TENM1: variants seen among roughly 807,000 people sequenced by gnomAD.
The protein encoded by TENM1 is teneurin transmembrane protein 1.
In TENM1, 35 loss-of-function variants were observed where a neutral mutation model predicts 174.8. The observed-to-expected ratio is 0.20, with a 90% CI of 0.15 to 0.27. The LOEUF (loss-of-function observed/expected upper bound fraction) is 0.27. TENM1 is among the 10% of genes least tolerant of loss of function. The probability of loss-of-function intolerance (pLI) is 1.00; values close to 1 mark genes in which losing one functional copy is unlikely to be tolerated. For missense variants in TENM1, 1,633 were observed against 2,130.1 expected (o/e 0.77, Z 4.59); for synonymous variants, 781 against 798.7 (o/e 0.98, Z 0.37).
chrX:125,123,771 A>T, the TENM1 span, among the ~76,000 whole-genome samples: 1 of 112,488 alleles, frequency 8.9e-6, no homozygotes, highest in Admixed American at 9.4e-5. Context: ...TCATGCATTT[A>T]ATTTATTCCA....
intron 18 of TENM1, among the ~76,000 whole-genome samples, chrX:124,515,717 A>G (rs944673425): frequency 1.8e-5 from 2 of 110,880 alleles, no homozygotes; most frequent in Non-Finnish European, 3.8e-5. Context: ...ACAGAAAAGC[A>G]TTCCATGCTC....
At chrX:124,783,812 T>TA (rs1195533059) in intron 3 of TENM1, among the ~76,000 whole-genome samples, 1 of 111,638 alleles carries the variant, frequency 9.0e-6, no homozygotes, top group African/African-American at 3.3e-5. Flanking sequence ...ATCTCTCACA[T>TA]AAAAAAATAG....
the TENM1 span, among the ~76,000 whole-genome samples, chrX:125,083,841 C>T: frequency 6.3e-5 from 7 of 110,650 alleles, no homozygotes; most frequent in South Asian, 2.7e-3. Context: ...GCCCTGTTAG[C>T]CTAGATTCTG....
At chrX:125,115,495 G>A in the TENM1 span, among the ~76,000 whole-genome samples, 249 of 111,354 alleles carry the variant, frequency 2.2e-3, no homozygotes, top group African/African-American at 7.8e-3. Flanking sequence ...AAACTCCATC[G>A]TCACAGCCCA....
chrX:125,117,130 T>C, the TENM1 span, among the ~76,000 whole-genome samples: 1 of 111,190 alleles, frequency 9.0e-6, no homozygotes, highest in Non-Finnish European at 1.9e-5. Flanking sequence ...TGGAAGACAG[T>C]GTGGCAATTC....
intron 25 of TENM1, among the ~76,000 whole-genome samples, chrX:124,419,344 C>T (rs1434878890): frequency 8.9e-6 from 1 of 111,897 alleles, no homozygotes; most frequent in African/African-American, 3.3e-5. Context: ...ACCCCTTATA[C>T]TTTAACATCT....
intron 22 of TENM1, among the ~76,000 whole-genome samples, chrX:124,463,215 C>G (rs2061198888): frequency 9.0e-6 from 1 of 111,664 alleles, no homozygotes; most frequent in Non-Finnish European, 1.9e-5. Context: ...GCTGATTTTT[C>G]TTACAGAATA....
At chrX:124,808,867 A>G (rs1320513413) in intron 3 of TENM1, among the ~76,000 whole-genome samples, 3 of 111,894 alleles carry the variant, frequency 2.7e-5, no homozygotes, top group African/African-American at 9.7e-5. Context: ...GCAATTGATA[A>G]CTACATCAAA....
chrX:124,798,444 A>T (rs1403280624), intron 3 of TENM1, among the ~76,000 whole-genome samples: 1 of 112,060 alleles, frequency 8.9e-6, no homozygotes, highest in Non-Finnish European at 1.9e-5. Context: ...ATGACCAGTG[A>T]TGATGAGCTT....
At chrX:124,956,221 T>C (rs2058572345) in intron 1 of TENM1, among the ~76,000 whole-genome samples, 1 of 112,080 alleles carries the variant, frequency 8.9e-6, no homozygotes, top group South Asian at 3.7e-4. Context: ...TCAATCATAT[T>C]GCATCACTAT....
At chrX:125,178,888 C>T in the TENM1 span, among the ~76,000 whole-genome samples, 1 of 110,042 alleles carries the variant, frequency 9.1e-6, no homozygotes, top group African/African-American at 3.3e-5. Flanking sequence ...AGGAGAATTG[C>T]TCGAACCCAG....
At chrX:124,922,936 T>C (rs181354575) in intron 1 of TENM1, among the ~76,000 whole-genome samples, 1 of 111,782 alleles carries the variant, frequency 8.9e-6, no homozygotes, top group East Asian at 2.8e-4. Context: ...GAGAATTTAT[T>C]AAGGTTTTCC....
chrX:124,518,056 C>A (rs895331293), intron 18 of TENM1, among the ~76,000 whole-genome samples: 1 of 110,451 alleles, frequency 9.1e-6, no homozygotes, highest in Non-Finnish European at 1.9e-5. Context: ...AGAGAATTAT[C>A]AAGGAAGGGA....
At chrX:125,193,691 C>G in the TENM1 span, among the ~76,000 whole-genome samples, 201 of 111,554 alleles carry the variant, frequency 1.8e-3, 1 homozygote, top group African/African-American at 6.4e-3. Context: ...ACTGTATATA[C>G]TCTCTAGCTA....
chrX:124,513,232 G>C (rs181600443), intron 18 of TENM1, among the ~76,000 whole-genome samples: 97 of 111,414 alleles, frequency 8.7e-4, no homozygotes, highest in African/African-American at 3.1e-3. Flanking sequence ...GCTTCTAGTA[G>C]GTGCTTGCAC....
intron 11 of TENM1, among the ~76,000 whole-genome samples, chrX:124,598,893 G>A (rs2858401): frequency 0.21 from 23,524 of 110,815 alleles, 1,972 homozygotes; most frequent in South Asian, 0.34. Context: ...TTTAAAAATA[G>A]CTAAAAGAGT....
chrX:124,423,327 C>T (rs1048640749), intron 23 of TENM1, among the ~76,000 whole-genome samples: 47 of 111,878 alleles, frequency 4.2e-4, no homozygotes, highest in African/African-American at 1.3e-3. Flanking sequence ...TCCATAGGTT[C>T]CCCTTTTTAG....
chrX:124,988,740 C>G, the TENM1 span, among the ~76,000 whole-genome samples: 1 of 111,286 alleles, frequency 9.0e-6, no homozygotes, highest in African/African-American at 3.3e-5. Context: ...AAAGTTGGTA[C>G]AACATTCAAA....
At chrX:124,384,908 T>C in intron 29 of TENM1, 54 bp from the exon 33 acceptor site, 3 of 1,081,289 alleles carry the variant, frequency 2.8e-6, no homozygotes, top group Non-Finnish European at 2.5e-6. Context: ...TGTGGAAGAG[T>C]CAGAAAGGTC....
Sources: allele counts gnomAD v4.1 joint callset (sites outside exome capture counted in the v4.1 genomes callset), GRCh38; gene constraint gnomAD v4.1.1; transcripts MANE v1.5; gene names NCBI Gene and HGNC (gene_info 2026-07-23, HGNC 2026-07-21).